The following RPS23 variants were observed in gnomAD, a reference collection of about 807,000 sequenced individuals.
RPS23 encodes the protein small ribosomal subunit protein uS12.
For synonymous variants in RPS23, 66 were observed against 60.4 expected (o/e 1.09, Z -0.43); for missense variants, 73 against 174.5 (o/e 0.42, Z 3.28).
In RPS23 at chr5:82,275,084, T is replaced by A. The variant is rs771280234; in HGVS notation, c.*1025A>T. 4.8e-6 allele frequency: 3 copies of A among 618,834 alleles called. No homozygotes were observed. The Admixed American group carries it at 7.8e-5, about 16-fold the overall frequency. 38.3% of individuals were successfully genotyped at this position (618,834 alleles called of 1,614,324 possible). On this transcript the variant is annotated 3_prime_UTR_variant, in exon 4 of 4. Transcript: ENST00000296674. ...GTATGAAGCGCAACCTGGGTTCTTC[T>A]GTGCCATGTGAAAGGTTCTGCTCTT...
At position 82,278,305 on chromosome 5, in the gene RPS23, G is replaced by C; in HGVS notation, c.4+15C>G. On this transcript the variant is annotated intron_variant, in intron 1 of 3. Transcript: ENST00000296674. ...TCCCGCTTGCAGCGCCCTTAAACCG[G>C]CCACAACAGCTCACCCATCCTGTCG... 8 of 1,609,690 alleles carry C rather than the reference G, an allele frequency of 5.0e-6. No homozygotes were observed. Among genetic ancestry groups the C allele is most frequent in the Non-Finnish European group, 5.9e-6 (7 of 1,178,312 alleles).
In RPS23 at chr5:82,275,460, T is replaced by G. The variant is rs1174626862; in HGVS notation, c.*649A>C. On this transcript the variant is annotated 3_prime_UTR_variant, in exon 4 of 4. Transcript: ENST00000296674. ...ACCTCATGAGAAGATACTGAAAACA[T>G]CAGTCTTGTCGTATACCTTATCTCC... 4.7e-6 allele frequency: 3 copies of G among 632,376 alleles called. No individual in the cohort carries two copies. The African/African-American group carries it at 5.5e-5, about 11-fold the overall frequency. The allele number at this position is 632,376 out of a possible 1,614,324, so 39.2% of individuals were successfully genotyped here. A position where few individuals can be genotyped will look rare whatever the true frequency, so the allele number is the denominator to read the frequency against.
intron 1 of RPS23, 140 bp from the exon 2 acceptor site, chr5:82,277,992 T>C (rs1747967102): frequency 1.2e-6 from 1 of 811,656 alleles, no homozygotes; most frequent in Non-Finnish European, 1.9e-6. Flanking sequence ...GGCCAAACAT[T>C]TGGCCTTCAA....
In RPS23 at chr5:82,275,731, T is replaced by C. The variant is rs1172170237; in HGVS notation, c.*378A>G. 1 of 245,462 alleles carries C rather than the reference T, an allele frequency of 4.1e-6. No homozygotes were observed. Among genetic ancestry groups the C allele is most frequent in the African/African-American group, 2.3e-5 (1 of 44,392 alleles). 15.2% of individuals were successfully genotyped at this position (245,462 alleles called of 1,614,324 possible). ...TTGGTAACTGAAGTGTTGCACCCGA[T>C]ATGGAAAATACCAAGAATAAAAAAG... is the stretch of plus-strand genomic sequence containing the variant. On this transcript the variant is annotated 3_prime_UTR_variant, in exon 4 of 4. Coordinates refer to ENST00000296674, the MANE Select transcript of RPS23 (RefSeq NM_001025.5).
chr5:82,277,374 A>G, intron 2 of RPS23: 1 of 367,642 alleles, frequency 2.7e-6, no homozygotes. Context: ...TATCAAGTCG[A>G]TAAAGTTCAA....
intron 2 of RPS23, among the ~76,000 whole-genome samples, chr5:82,277,110 G>A (rs562867569): frequency 6.9e-6 from 1 of 145,630 alleles, no homozygotes; most frequent in Admixed American, 7.1e-5. Flanking sequence ...GCTTGAACCT[G>A]GGAGGCTAAG....
chr5:82,274,447 G>A lies in RPS23; in HGVS notation c.*1662C>T, dbSNP rs1256418098. The A allele has an allele frequency of 6.6e-6, 1 of 152,384 alleles. No individual in the cohort carries two copies. Among genetic ancestry groups the A allele is most frequent in the Non-Finnish European group, 1.5e-5 (1 of 68,202 alleles). 9.4% of individuals were successfully genotyped at this position (152,384 alleles called of 1,614,324 possible). A position where few individuals can be genotyped will look rare whatever the true frequency, so the allele number is the denominator to read the frequency against. ...AAGGGCGTCCTGGGTGCAGCCAACA[G>A]GGTACAGCTGCAAGCCATTGTTGAA... On this transcript the variant is annotated 3_prime_UTR_variant, in exon 4 of 4. Coordinates refer to ENST00000296674, the MANE Select transcript of RPS23 (RefSeq NM_001025.5).
rs1747743322 is a variant in RPS23, at chr5:82,275,079, T to TC, written c.*1029dup. Reference sequence around the variant, plus strand: ...TGCAGGTATGAAGCGCAACCTGGGTTCTTCTGTGCCATGTGAAAGGTTCTG... The same window carrying TC: ...TGCAGGTATGAAGCGCAACCTGGGTTCCTTCTGTGCCATGTGAAAGGTTCTG... On this transcript the variant is annotated 3_prime_UTR_variant, in exon 4 of 4. Coordinates refer to ENST00000296674, the MANE Select transcript of RPS23 (RefSeq NM_001025.5). The TC allele has an allele frequency of 1.6e-6, 1 of 608,734 alleles. No homozygotes were observed. The allele number at this position is 608,734 out of a possible 1,614,324, so 37.7% of individuals were successfully genotyped here.
At position 82,276,467 on chromosome 5, in the gene RPS23, G is replaced by T. The variant is rs1203834572; in HGVS notation, c.216C>A (p.Val72=). 1.2e-6 allele frequency: 2 copies of T among 1,613,870 alleles called. No homozygotes were observed. Among genetic ancestry groups the T allele is most frequent in the East Asian group, 4.5e-5 (2 of 44,888 alleles). ...PNSAIRKCVR[V]QLIKNGKKIT... ...TTTTCTTGCCATTCTTGATCAGCTGGACCCTTACACACTTCCTAATGGCAG... is the reference window on the plus strand; with the variant it reads ...TTTTCTTGCCATTCTTGATCAGCTGTACCCTTACACACTTCCTAATGGCAG... Residue 72 remains valine (V), a synonymous_variant, in exon 3 of 4, where the codon GTC becomes GTA. Transcript: ENST00000296674.
chr5:82,277,451 C>G, intron 2 of RPS23: 1 of 523,338 alleles, frequency 1.9e-6, no homozygotes, highest in Non-Finnish European at 3.4e-6. Flanking sequence ...TTTACTTCAT[C>G]ATTGCTAGTA....
Position 82,276,368 on chromosome 5 carries a change from C to G in RPS23, c.285+30G>C, listed in dbSNP as rs553545664. The G allele has an allele frequency of 2.5e-6, 4 of 1,613,734 alleles. No individual in the cohort carries two copies. The South Asian group carries it at 4.4e-5, about 18-fold the overall frequency. ...AATGTGAGGGAGGCCACCCCAAGAACAGAAGGTACGATAGAGTTGAAATAC... is the reference window on the plus strand; with the variant it reads ...AATGTGAGGGAGGCCACCCCAAGAAGAGAAGGTACGATAGAGTTGAAATAC... On this transcript the variant is annotated intron_variant, in intron 3 of 3. Transcript: ENST00000296674.
chr5:82,276,851 A>AAAAAAAG, intron 2 of RPS23: 1 of 244,418 alleles, frequency 4.1e-6, no homozygotes, highest in African/African-American at 2.3e-5. Flanking sequence ...ATCTCAAAAA[A>AAAAAAAG]AAAAAAAGAA....
At chr5:82,278,219 C>T in intron 1 of RPS23, 101 bp downstream of exon 1, 1 of 1,131,290 alleles carries the variant, frequency 8.8e-7, no homozygotes. Flanking sequence ...CATGGAGCCT[C>T]TCCATGGCAT....
intron 2 of RPS23, 77 bp from the exon 3 acceptor site, chr5:82,276,595 T>G: frequency 6.4e-7 from 1 of 1,555,900 alleles, no homozygotes; most frequent in Non-Finnish European, 8.8e-7. Context: ...AGAGAACTAA[T>G]GAGAAACTGT....
At chr5:82,278,135 G>T in intron 1 of RPS23, 185 bp downstream of exon 1, 1 of 772,598 alleles carries the variant, frequency 1.3e-6, no homozygotes, top group Non-Finnish European at 2.1e-6. Flanking sequence ...CGACCTCGGC[G>T]GCCTCCACGC....
rs1747760939 is a variant in RPS23 at position 82,275,808 on chromosome 5, TA to T, written c.*300del. On this transcript the variant is annotated 3_prime_UTR_variant, in exon 4 of 4. Coordinates refer to ENST00000296674, the MANE Select transcript of RPS23 (RefSeq NM_001025.5). ...GTTTTTGAAGTTCCCTTAAAGTTCT[TA>T]AAGTAATACTACAATACTGCACATT... is the stretch of plus-strand genomic sequence containing the variant. 1 of 310,466 alleles carries T rather than the reference TA, an allele frequency of 3.2e-6. No individual in the cohort carries two copies. The highest frequency in any genetic ancestry group is 5.9e-6 in the Non-Finnish European group (1 of 170,356). 19.2% of individuals were successfully genotyped at this position (310,466 alleles called of 1,614,324 possible).
At position 82,274,526 on chromosome 5, in the gene RPS23, CGCGCTGTCCCACTCCCTTCCTGGT is replaced by C. The variant is rs1394661485; in HGVS notation, c.*1559_*1582del. On this transcript the variant is annotated 3_prime_UTR_variant, in exon 4 of 4. Coordinates refer to ENST00000296674, the MANE Select transcript of RPS23 (RefSeq NM_001025.5). The stretch of plus-strand genomic sequence containing the variant: ...TAACCAGGCCACATCCCTGGGCGCC[CGCGCTGTCCCACTCCCTTCCTGGT>C]GCGCCCCGCCTCGCGGTCACAAGGG... 6.6e-6 allele frequency: 1 copy of C among 152,566 alleles called. No homozygotes were observed. Among genetic ancestry groups the C allele is most frequent in the Admixed American group, 6.5e-5 (1 of 15,294 alleles). The allele number at this position is 152,566 out of a possible 1,614,324, so 9.5% of individuals were successfully genotyped here. A position where few individuals can be genotyped will look rare whatever the true frequency, so the allele number is the denominator to read the frequency against.
In RPS23 at chr5:82,274,205, C is replaced by T. The variant is rs1268374435; in HGVS notation, c.*1904G>A. The stretch of plus-strand genomic sequence containing the variant: ...GAATGTCTATTTATGGATTCCCTAT[C>T]TTATTTTATTGATGTGTATTTTTGT... On this transcript the variant is annotated 3_prime_UTR_variant, in exon 4 of 4. Coordinates refer to ENST00000296674, the MANE Select transcript of RPS23 (RefSeq NM_001025.5). 1 of 152,116 alleles carries T rather than the reference C, an allele frequency of 6.6e-6. No individual in the cohort carries two copies. The highest frequency in any genetic ancestry group is 1.5e-5 in the Non-Finnish European group (1 of 68,020). The allele number at this position is 152,116 out of a possible 1,614,324, so 9.4% of individuals were successfully genotyped here.
rs900775119 is a variant in RPS23, at chr5:82,273,625, G to A, written c.*2484C>T. The A allele has an allele frequency of 7.3e-6, 1 of 136,956 alleles. No homozygotes were observed. The highest frequency in any genetic ancestry group is 1.9e-4 in the East Asian group (1 of 5,196). The allele number at this position is 136,956 out of a possible 1,614,324, so 8.5% of individuals were successfully genotyped here. A position where few individuals can be genotyped will look rare whatever the true frequency, so the allele number is the denominator to read the frequency against. ...GTTTAGGCCAGGCAGGCCCAGGGCT[G>A]GTTTCAGGCCTGGTGCCGGGCTGCC... On this transcript the variant is annotated 3_prime_UTR_variant, in exon 4 of 4. Transcript: ENST00000296674.
Sources: gnomAD v4.1 joint callset for allele counts (sites outside exome capture counted in the v4.1 genomes callset) on GRCh38, gnomAD v4.1.1 for gene constraint, MANE v1.5 for transcripts, NCBI Gene and HGNC (gene_info 2026-07-23, HGNC 2026-07-21) for gene names.